Variants in B4GALT1 observed in about 807,000 individuals in gnomAD.
B4GALT1 encodes beta-1,4-galactosyltransferase 1.
A neutral mutation model predicts 34.9 loss-of-function variants in B4GALT1; 16 were observed. The observed-to-expected ratio is 0.46, with a 90% CI of 0.31 to 0.70. The LOEUF is 0.70. Ranked by LOEUF, B4GALT1 falls within the 30% of genes least tolerant of loss-of-function variation. The probability of loss-of-function intolerance (pLI) is 0.05; values close to 1 mark genes in which losing one functional copy is unlikely to be tolerated. For missense variants in B4GALT1, 445 were observed against 530.5 expected (o/e 0.84, Z 1.58); for synonymous variants, 221 against 218.1 (o/e 1.01, Z -0.12).
At chr9:33,171,755 A>C (rs1840843520), upstream of B4GALT1, among the ~76,000 whole-genome samples, 1 of 152,092 alleles carries the variant, frequency 6.6e-6, no homozygotes, top group Non-Finnish European at 1.5e-5. Flanking sequence ...AGATGTTGCG[A>C]TATTGCTCAG....
intron 2 of B4GALT1, among the ~76,000 whole-genome samples, chr9:33,105,450 A>G (rs1839788797): frequency 6.6e-6 from 1 of 152,140 alleles, no homozygotes; most frequent in Non-Finnish European, 1.5e-5. Flanking sequence ...CATTTTAACC[A>G]TTTTTAAATG....
the B4GALT1 span, among the ~76,000 whole-genome samples, chr9:33,177,080 C>T: frequency 6.6e-6 from 1 of 152,070 alleles, no homozygotes; most frequent in Non-Finnish European, 1.5e-5. Flanking sequence ...TCTATAGTTT[C>T]TCAAAATTTT....
At chr9:33,118,113 T>C (rs4879665) in intron 3 of B4GALT1, among the ~76,000 whole-genome samples, 61,869 of 152,046 alleles carry the variant, frequency 0.41, 14,574 homozygotes, top group Admixed American at 0.56. Flanking sequence ...TATAAACCTG[T>C]GTGTTTCAAG....
intron 1 of B4GALT1, among the ~76,000 whole-genome samples, chr9:33,146,059 T>C (rs1175990785): frequency 6.6e-6 from 1 of 152,148 alleles, no homozygotes; most frequent in Non-Finnish European, 1.5e-5. Context: ...GCCACAGAAA[T>C]GCAAAGCCTT....
At chr9:33,105,740 T>C (rs1333121523), downstream of B4GALT1, among the ~76,000 whole-genome samples, 1 of 152,184 alleles carries the variant, frequency 6.6e-6, no homozygotes, top group Non-Finnish European at 1.5e-5. Flanking sequence ...CTTTTGTGAC[T>C]GACTTATTTC....
chr9:33,151,930 G>GA (rs371298522), intron 1 of B4GALT1, among the ~76,000 whole-genome samples: 36 of 152,286 alleles, frequency 2.4e-4, no homozygotes, highest in African/African-American at 8.7e-4. Flanking sequence ...AAACTCAGGA[G>GA]AAAAATTTTA....
chr9:33,146,661 C>T (rs187158975), intron 1 of B4GALT1, among the ~76,000 whole-genome samples: 13 of 151,778 alleles, frequency 8.6e-5, no homozygotes, highest in Admixed American at 4.6e-4. Flanking sequence ...ATTTGACACA[C>T]AGTCTACAGG....
At chr9:33,138,506 A>G (rs1383393466) in intron 1 of B4GALT1, among the ~76,000 whole-genome samples, 1 of 152,108 alleles carries the variant, frequency 6.6e-6, no homozygotes, top group Non-Finnish European at 1.5e-5. Context: ...AGCAGACAGG[A>G]GACGTGAGTG....
intron 1 of B4GALT1, among the ~76,000 whole-genome samples, chr9:33,139,668 T>A (rs1284165400): frequency 6.6e-6 from 1 of 152,176 alleles, no homozygotes; most frequent in Non-Finnish European, 1.5e-5. Context: ...TCCAGAGAGC[T>A]CAGACTCCAG....
the B4GALT1 span, among the ~76,000 whole-genome samples, chr9:33,184,253 TACACACACACACACACACAC>T: frequency 1.4e-5 from 2 of 147,116 alleles, no homozygotes; most frequent in Admixed American, 1.4e-4. Context: ...GTCACTCTTG[TACACACACACACACACACAC>T]ACACACACAC....
At chr9:33,130,296 C>A (rs147137172) in intron 2 of B4GALT1, among the ~76,000 whole-genome samples, 38 of 152,190 alleles carry the variant, frequency 2.5e-4, no homozygotes, top group Admixed American at 9.1e-4. Flanking sequence ...GTCTCGTTTC[C>A]GGGTTTGAGT....
At chr9:33,122,374 C>A (rs1002875189) in intron 2 of B4GALT1, among the ~76,000 whole-genome samples, 1 of 151,942 alleles carries the variant, frequency 6.6e-6, no homozygotes, top group African/African-American at 2.4e-5. Flanking sequence ...CAAAAATTTG[C>A]CAGGCATGGT....
At chr9:33,163,956 G>A (rs530770126) in intron 1 of B4GALT1, among the ~76,000 whole-genome samples, 4 of 152,038 alleles carry the variant, frequency 2.6e-5, no homozygotes, top group Admixed American at 1.3e-4. Flanking sequence ...GTGTGGGGGC[G>A]GGGGGTACTA....
downstream of B4GALT1, among the ~76,000 whole-genome samples, chr9:33,106,019 T>G (rs1839794071): frequency 6.6e-6 from 1 of 152,048 alleles, no homozygotes; most frequent in South Asian, 2.1e-4. Flanking sequence ...CCATGTTTAA[T>G]TTTTGGAGGA....
At chr9:33,174,866 A>C in the B4GALT1 span, among the ~76,000 whole-genome samples, 1 of 142,872 alleles carries the variant, frequency 7.0e-6, no homozygotes, top group African/African-American at 2.6e-5. Context: ...CTGAGGCAGG[A>C]GAATCGCTTG....
chr9:33,109,458 C>T (rs1839830065), downstream of B4GALT1, among the ~76,000 whole-genome samples: 1 of 152,186 alleles, frequency 6.6e-6, no homozygotes, highest in Non-Finnish European at 1.5e-5. Context: ...GCAAATTAAA[C>T]CCAAGAAGAG....
Position 33,113,454 on chromosome 9 carries a change from C to T in B4GALT1, c.1197G>A (p.Ter399=). 2.5e-6 allele frequency: 4 copies of T among 1,614,206 alleles called. No homozygotes were observed. The highest frequency in any genetic ancestry group is 3.4e-6 in the Non-Finnish European group (4 of 1,180,032). ...GGTCTCTTATCCGTGTACCAAAACG[C>T]TAGCTCGGTGTCCCGATGTCCACTG... ...QITVDIGTPS[*] is the part of the protein sequence containing the mutation. The change falls in exon 6 of 6, where the codon TAG becomes TAA. Residue 399 remains the stop codon, a stop_retained_variant. Transcript: ENST00000379731.
At chr9:33,129,840 C>A (rs966225332) in intron 2 of B4GALT1, among the ~76,000 whole-genome samples, 42 of 152,022 alleles carry the variant, frequency 2.8e-4, no homozygotes, top group African/African-American at 1.0e-3. Context: ...CAAAGGCACA[C>A]AGAGGGGAGA....
chr9:33,126,398 C>T (rs1271748160), intron 2 of B4GALT1, among the ~76,000 whole-genome samples: 1 of 152,172 alleles, frequency 6.6e-6, no homozygotes, highest in East Asian at 1.9e-4. Context: ...ATAATATCTA[C>T]TCAGCCATGA....
Sources: gnomAD v4.1 joint callset for allele counts (sites outside exome capture counted in the v4.1 genomes callset) on GRCh38, gnomAD v4.1.1 for gene constraint, MANE v1.5 for transcripts, NCBI Gene and HGNC (gene_info 2026-07-23, HGNC 2026-07-21) for gene names.